CRADD: variants seen among roughly 807,000 people sequenced by gnomAD.
CRADD encodes CARD and death domain containing adaptor protein.
A neutral mutation model predicts 15.5 loss-of-function variants in CRADD; 9 were observed. The observed-to-expected ratio is 0.58, with a 90% CI of 0.35 to 1.01. The LOEUF is 1.01. Ranked by LOEUF, CRADD falls within the 50% of genes least tolerant of loss-of-function variation. The probability of loss-of-function intolerance (pLI) is 0.02; values close to 1 mark genes in which losing one functional copy is unlikely to be tolerated. For missense variants in CRADD, 227 were observed against 250.3 expected (o/e 0.91, Z 0.63); for synonymous variants, 118 against 107.6 (o/e 1.10, Z -0.60).
intron 2 of CRADD, among the ~76,000 whole-genome samples, chr12:93,791,238 A>G (rs1957345812): frequency 6.6e-6 from 1 of 152,176 alleles, no homozygotes; most frequent in Non-Finnish European, 1.5e-5. Context: ...TTGCAGCATC[A>G]TTCATAATAG....
At chr12:93,770,393 G>A (rs1240398983) in intron 2 of CRADD, among the ~76,000 whole-genome samples, 3 of 152,178 alleles carry the variant, frequency 2.0e-5, no homozygotes, top group South Asian at 4.2e-4. Context: ...CACCGCGCCC[G>A]GCCCCCTCCT....
In CRADD at chr12:93,867,436, T is replaced by C. The variant is rs115097860; in HGVS notation, c.299-26614T>C. 8.9e-3 allele frequency among the ~76,000 whole-genome samples: 1,297 copies of C among 145,184 alleles called. 25 individuals carry two copies. Among genetic ancestry groups the C allele is most frequent in the African/African-American group, 0.032 (1,228 of 38,850 alleles). The stretch of plus-strand genomic sequence containing the variant: ...AACTTGGAAGTCCAAGATCAATATA[T>C]ATATTTTACTGATAAAATGTTCCAA... On this transcript the variant is annotated intron_variant, in intron 2 of 2. Coordinates refer to the CRADD transcript ENST00000548483.
At chr12:93,856,862 C>T (rs1958278999) in intron 2 of CRADD, among the ~76,000 whole-genome samples, 2 of 152,138 alleles carry the variant, frequency 1.3e-5, no homozygotes, top group South Asian at 4.1e-4. Flanking sequence ...CCCACATATT[C>T]AAATTAGATG....
chr12:93,868,224 CG>C (rs1958387218), intron 2 of CRADD, among the ~76,000 whole-genome samples: 1 of 152,060 alleles, frequency 6.6e-6, no homozygotes, highest in African/African-American at 2.4e-5. Flanking sequence ...CTTGTAATAA[CG>C]AAAACTGAAC....
At chr12:93,692,872 T>G (rs893949430) in intron 2 of CRADD, among the ~76,000 whole-genome samples, 6 of 152,136 alleles carry the variant, frequency 3.9e-5, no homozygotes, top group African/African-American at 1.4e-4. Flanking sequence ...GGTTAAAAGA[T>G]GAAACTATTA....
At chr12:93,832,723 G>C in intron 2 of CRADD, among the ~76,000 whole-genome samples, 1 of 152,130 alleles carries the variant, frequency 6.6e-6, no homozygotes, top group African/African-American at 2.4e-5. Flanking sequence ...ATCATCAGTA[G>C]GAAATAATTA....
At chr12:93,770,080 T>G (rs1307984675) in intron 2 of CRADD, among the ~76,000 whole-genome samples, 1 of 151,042 alleles carries the variant, frequency 6.6e-6, no homozygotes, top group Non-Finnish European at 1.5e-5. Flanking sequence ...GTCATGAAGA[T>G]ATCCTCCTAT....
chr12:93,893,366 A>G (rs1021305760), intron 2 of CRADD, among the ~76,000 whole-genome samples: 1 of 152,010 alleles, frequency 6.6e-6, no homozygotes, highest in Admixed American at 6.5e-5. Context: ...CTGTTTGTTC[A>G]TTGGACGGAC....
intron 2 of CRADD, chr12:93,846,618 A>ACACACG (rs1958122826): frequency 7.3e-6 from 1 of 136,088 alleles, no homozygotes; most frequent in Non-Finnish European, 1.6e-5. Context: ...ACACACACAC[A>ACACACG]CACACACGAT....
intron 2 of CRADD, among the ~76,000 whole-genome samples, chr12:93,740,024 T>C (rs1244727914): frequency 1.3e-5 from 2 of 152,266 alleles, no homozygotes; most frequent in East Asian, 3.9e-4. Flanking sequence ...ATACAAATGT[T>C]TTTATTTTAG....
chr12:93,864,882 A>G (rs576115854), intron 2 of CRADD, among the ~76,000 whole-genome samples: 1 of 152,360 alleles, frequency 6.6e-6, no homozygotes, highest in East Asian at 1.9e-4. Context: ...ACAGATAATC[A>G]TAGAACCAAC....
chr12:93,778,445 G>A (rs935853719), intron 2 of CRADD, among the ~76,000 whole-genome samples: 1 of 152,190 alleles, frequency 6.6e-6, no homozygotes, highest in Non-Finnish European at 1.5e-5. Flanking sequence ...CTAAGGCCTG[G>A]AGCTGAGTAG....
intron 2 of CRADD, among the ~76,000 whole-genome samples, chr12:93,707,228 G>T (rs1955970098): frequency 6.6e-6 from 1 of 152,154 alleles, no homozygotes; most frequent in Non-Finnish European, 1.5e-5. Flanking sequence ...GATCAGTAGT[G>T]ATATAATTCT....
intron 2 of CRADD, among the ~76,000 whole-genome samples, chr12:93,817,336 G>A (rs919082794): frequency 3.9e-5 from 6 of 152,164 alleles, no homozygotes; most frequent in Non-Finnish European, 5.9e-5. Flanking sequence ...TTGTGGAGTC[G>A]GGTTCGGGAC....
chr12:93,787,899 G>A (rs1957298231), intron 2 of CRADD, among the ~76,000 whole-genome samples: 2 of 152,178 alleles, frequency 1.3e-5, no homozygotes, highest in South Asian at 4.1e-4. Context: ...AAGGAAGCCT[G>A]ATCTTCAAGA....
At chr12:93,692,394 C>A (rs11107158) in intron 2 of CRADD, among the ~76,000 whole-genome samples, 37,531 of 151,924 alleles carry the variant, frequency 0.25, 5,058 homozygotes, top group East Asian at 0.41. Flanking sequence ...TAATTAGATT[C>A]AATCCAAACA....
chr12:93,769,840 A>G (rs572529133), intron 2 of CRADD, among the ~76,000 whole-genome samples: 12 of 152,316 alleles, frequency 7.9e-5, no homozygotes, highest in African/African-American at 2.9e-4. Context: ...ACTTTTCCAT[A>G]GAACTGTCAG....
intron 2 of CRADD, among the ~76,000 whole-genome samples, chr12:93,728,937 G>C (rs935278494): frequency 2.6e-5 from 4 of 152,194 alleles, no homozygotes; most frequent in Non-Finnish European, 5.9e-5. Context: ...GCAGGCTTGA[G>C]TATACATGGA....
intron 2 of CRADD, among the ~76,000 whole-genome samples, chr12:93,861,446 G>T (rs1286818188): frequency 6.6e-6 from 1 of 152,234 alleles, no homozygotes; most frequent in Non-Finnish European, 1.5e-5. Flanking sequence ...TCCTCCAGCA[G>T]CCAGGAAGCT....
Sources: gnomAD v4.1 joint callset for allele counts (sites outside exome capture counted in the v4.1 genomes callset) on GRCh38, gnomAD v4.1.1 for gene constraint, MANE v1.5 for transcripts, NCBI Gene and HGNC (gene_info 2026-07-23, HGNC 2026-07-21) for gene names.